SESTD1: variants seen among roughly 807,000 people sequenced by gnomAD.
SESTD1 encodes the protein SEC14 domain and spectrin repeat-containing protein 1.
Under a neutral mutation model 101.7 loss-of-function variants are expected in SESTD1, and 43 were observed. That is an observed-to-expected ratio of 0.42 (90% CI 0.33 to 0.55). The LOEUF is 0.55. Among genes scored for constraint, SESTD1 ranks in the 20% least tolerant of loss-of-function variants. SESTD1 has a pLI of 0.07. For synonymous variants in SESTD1, 283 were observed against 286.8 expected (o/e 0.99, Z 0.13); for missense variants, 647 against 815.1 (o/e 0.79, Z 2.51).
At chr2:179,203,667 G>A (rs1318846020) in intron 1 of SESTD1, among the ~76,000 whole-genome samples, 1 of 134,870 alleles carries the variant, frequency 7.4e-6, no homozygotes, top group Non-Finnish European at 1.6e-5. Context: ...TATCGAACCT[G>A]AAGGGGTTGT....
intron 3 of SESTD1, among the ~76,000 whole-genome samples, chr2:179,178,371 C>A (rs2046047710): frequency 6.6e-6 from 1 of 152,104 alleles, no homozygotes; most frequent in African/African-American, 2.4e-5. Flanking sequence ...TGCCTCATGT[C>A]TCTAATCCCA....
chr2:179,237,132 T>TTTACATTATTACA (rs752524456), intron 1 of SESTD1, among the ~76,000 whole-genome samples: 3,705 of 152,090 alleles, frequency 0.024, 72 homozygotes, highest in Non-Finnish European at 0.032. Context: ...TTTCTAATAA[T>TTTACATTATTACA]GTACATTATT....
intron 9 of SESTD1, among the ~76,000 whole-genome samples, chr2:179,138,727 T>A (rs913835554): frequency 5.3e-5 from 8 of 151,740 alleles, no homozygotes; most frequent in Non-Finnish European, 1.0e-4. Flanking sequence ...AAAAAACAGC[T>A]GGGCATGGTG....
intron 9 of SESTD1, among the ~76,000 whole-genome samples, chr2:179,133,948 T>C (rs1002577343): frequency 3.3e-5 from 5 of 152,150 alleles, no homozygotes; most frequent in Non-Finnish European, 7.4e-5. Context: ...AATTTAAAGA[T>C]ACAAATAATA....
chr2:179,159,233 ACT>A (rs140967674), intron 5 of SESTD1, among the ~76,000 whole-genome samples: 8,431 of 152,194 alleles, frequency 0.055, 294 homozygotes, highest in South Asian at 0.09. Context: ...GCAAAAATAC[ACT>A]CTGTTTACAA....
At chr2:179,150,941 T>A (rs2045513049) in intron 6 of SESTD1, among the ~76,000 whole-genome samples, 1 of 152,252 alleles carries the variant, frequency 6.6e-6, no homozygotes, top group African/African-American at 2.4e-5. Flanking sequence ...ATATCATGTC[T>A]GGTGCTGTTC....
At chr2:179,200,129 C>T (rs942480189) in intron 1 of SESTD1, among the ~76,000 whole-genome samples, 20 of 151,674 alleles carry the variant, frequency 1.3e-4, no homozygotes, top group South Asian at 4.1e-4. Flanking sequence ...TATACACCAA[C>T]AACAGACAGA....
chr2:179,208,815 A>G (rs1171358085), intron 1 of SESTD1, among the ~76,000 whole-genome samples: 1 of 134,800 alleles, frequency 7.4e-6, no homozygotes, highest in Admixed American at 7.2e-5. Flanking sequence ...CACAATGAAA[A>G]CAAACCAAGG....
At chr2:179,232,953 A>C (rs369524255) in intron 1 of SESTD1, among the ~76,000 whole-genome samples, 1 of 152,200 alleles carries the variant, frequency 6.6e-6, no homozygotes, top group African/African-American at 2.4e-5. Flanking sequence ...GGTATGATCA[A>C]CACTTTTCTG....
intron 9 of SESTD1, among the ~76,000 whole-genome samples, chr2:179,134,266 T>G (rs1162902285): frequency 6.6e-6 from 1 of 152,232 alleles, no homozygotes; most frequent in African/African-American, 2.4e-5. Flanking sequence ...AGATAACAAG[T>G]AGTTTTCATC....
chr2:179,162,905 C>T (rs910962900), intron 5 of SESTD1, among the ~76,000 whole-genome samples: 3 of 148,664 alleles, frequency 2.0e-5, no homozygotes, highest in Non-Finnish European at 3.0e-5. Context: ...GCAGGAGAAT[C>T]GCTTGAACCT....
chr2:179,186,490 A>C (rs2046234551), intron 2 of SESTD1, among the ~76,000 whole-genome samples: 1 of 152,200 alleles, frequency 6.6e-6, no homozygotes, highest in South Asian at 2.1e-4. Context: ...AGGAAGATGG[A>C]AGAAAAAAGC....
intron 1 of SESTD1, among the ~76,000 whole-genome samples, chr2:179,197,240 G>T (rs146447124): frequency 6.6e-6 from 1 of 151,920 alleles, no homozygotes; most frequent in Non-Finnish European, 1.5e-5. Context: ...GAAATGAAGC[G>T]AGAAGGGAAA....
rs573436601 is a variant in SESTD1, at chr2:179,260,459, T to C, written c.-26+4040A>G. On this transcript the variant is annotated intron_variant, in intron 1 of 17. Coordinates refer to ENST00000428443, the MANE Select transcript of SESTD1 (RefSeq NM_178123.5). ...TGAGCCCAGGCAGTTGAGGTTGCAGTGAGGTGTGATCACACCACTGCACTT... is the reference window on the plus strand; with the variant it reads ...TGAGCCCAGGCAGTTGAGGTTGCAGCGAGGTGTGATCACACCACTGCACTT... Among the ~76,000 whole-genome samples, 36 of 152,134 alleles carry C rather than the reference T, an allele frequency of 2.4e-4. No homozygotes were observed. The South Asian group carries it at 4.4e-3, about 18-fold the overall frequency.
chr2:179,151,142 T>C (rs1415610305), intron 6 of SESTD1, 136 bp downstream of exon 6: 2 of 514,548 alleles, frequency 3.9e-6, no homozygotes, highest in Non-Finnish European at 6.5e-6. Context: ...TATTATGCTA[T>C]AATGTGGTAT....
intron 2 of SESTD1, among the ~76,000 whole-genome samples, chr2:179,187,369 A>T (rs80177626): frequency 0.026 from 4,021 of 152,330 alleles, 85 homozygotes; most frequent in Admixed American, 0.035. Flanking sequence ...TCATGCCTAT[A>T]ATCTCAGCAA....
At chr2:179,263,635 T>C (rs2047513640) in intron 1 of SESTD1, among the ~76,000 whole-genome samples, 2 of 134,846 alleles carry the variant, frequency 1.5e-5, no homozygotes, top group African/African-American at 6.1e-5. Flanking sequence ...TCTCCCGCGA[T>C]GTCTGTGTGT....
chr2:179,191,557 C>T (rs764492048), intron 2 of SESTD1, among the ~76,000 whole-genome samples: 1 of 152,056 alleles, frequency 6.6e-6, no homozygotes, highest in Non-Finnish European at 1.5e-5. Context: ...AACAGACAGG[C>T]ACATGTACCC....
At chr2:179,235,978 C>G (rs1261819497) in intron 1 of SESTD1, among the ~76,000 whole-genome samples, 1 of 152,044 alleles carries the variant, frequency 6.6e-6, no homozygotes, top group Non-Finnish European at 1.5e-5. Context: ...TTAGATTCAC[C>G]TTCTCTGTGA....
Sources: allele counts gnomAD v4.1 joint callset (sites outside exome capture counted in the v4.1 genomes callset), GRCh38; gene constraint gnomAD v4.1.1; transcripts MANE v1.5; gene names NCBI Gene and HGNC (gene_info 2026-07-23, HGNC 2026-07-21).